Variants in FN3K observed in about 807,000 individuals in gnomAD.
FN3K encodes the protein fructosamine 3 kinase, also known as fructosamine-3-kinase.
FN3K carries 24 observed loss-of-function variants against 24.8 expected under a neutral mutation model. The ratio of observed to expected loss-of-function variants is 0.97; its 90% CI spans 0.70 to 1.36. FN3K has a LOEUF of 1.36. Among genes scored for constraint, FN3K ranks in the 40% most tolerant of loss-of-function variants. The pLI is 0.00. For synonymous variants in FN3K, 192 were observed against 175.2 expected (o/e 1.10, Z -0.76); for missense variants, 449 against 416.7 (o/e 1.08, Z -0.67).
At position 82,735,660 on chromosome 17, in the gene FN3K, G is replaced by A; in HGVS notation, c.24G>A (p.Glu8=). MEQLLRA[E]LRTATLRAFG... is the part of the protein sequence containing the mutation. ...CCATGGAGCAGCTGCTGCGCGCCGA[G>A]CTGCGCACCGCGACCCTGCGGGCCT... The change falls in exon 1 of 6, where the codon GAG becomes GAA. Residue 8 remains glutamate, a synonymous_variant. Transcript: ENST00000300784. 6.5e-7 allele frequency: 1 copy of A among 1,538,082 alleles called. No individual in the cohort carries two copies. The highest frequency in any genetic ancestry group is 8.7e-7 in the Non-Finnish European group (1 of 1,147,986).
Position 82,750,403 on chromosome 17 carries a change from C to G in FN3K, c.592-14C>G. The G allele has an allele frequency of 6.2e-7, 1 of 1,611,654 alleles. No homozygotes were observed. The highest frequency in any genetic ancestry group is 8.5e-7 in the Non-Finnish European group (1 of 1,177,770). ...CCCAGAGGCCAGCGATAACTGCAGC[C>G]GTTGCTCTCGTAGGTGAAGATCCCG... On this transcript the variant is annotated splice_polypyrimidine_tract_variant and intron_variant, in intron 5 of 5. Transcript: ENST00000300784.
At position 82,750,507 on chromosome 17, in the gene FN3K, G is replaced by C; in HGVS notation, c.682G>C (p.Val228Leu). 1 of 1,614,142 alleles carries C rather than the reference G, an allele frequency of 6.2e-7. No individual in the cohort carries two copies. Among genetic ancestry groups the C allele is most frequent in the Middle Eastern group, 1.6e-4 (1 of 6,062 alleles). ...LWSGNVAEDD[V>L]GPIIYDPASF... The stretch of plus-strand genomic sequence containing the variant: ...GTCGGGAAACGTGGCTGAGGACGAC[G>C]TGGGGCCCATTATTTACGACCCGGC... The change falls in exon 6 of 6, where the codon GTG becomes CTG. Residue 228 changes from valine (V) to leucine (L), a missense_variant. Transcript: ENST00000300784.
chr17:82,738,335 C>T (rs896880834), intron 1 of FN3K, 154 bp from the exon 2 acceptor site: 2 of 1,004,730 alleles, frequency 2.0e-6, no homozygotes, highest in African/African-American at 3.2e-5. Context: ...CCTCTGCACC[C>T]TGCCCTCTGT....
chr17:82,738,902 T>G (rs1384808011), intron 2 of FN3K, among the ~76,000 whole-genome samples: 1 of 114,090 alleles, frequency 8.8e-6, no homozygotes, highest in Non-Finnish European at 1.8e-5. Flanking sequence ...GTAATGAGGC[T>G]GCATAAAATA....
intron 4 of FN3K, among the ~76,000 whole-genome samples, chr17:82,744,727 C>T (rs946127921): frequency 1.3e-5 from 2 of 152,108 alleles, no homozygotes; most frequent in Non-Finnish European, 2.9e-5. Context: ...GGTGTTTCTC[C>T]GAGAGGGGGA....
chr17:82,741,504 C>G, intron 4 of FN3K, 111 bp downstream of exon 4: 2 of 1,015,704 alleles, frequency 2.0e-6, no homozygotes, highest in East Asian at 5.3e-5. Context: ...TACTTGATTT[C>G]TGAAAGCAGA....
chr17:82,738,432 G>A, intron 1 of FN3K, 57 bp from the exon 2 acceptor site: 1 of 1,609,514 alleles, frequency 6.2e-7, no homozygotes, highest in Non-Finnish European at 8.5e-7. Context: ...CAAGGGCCCA[G>A]TGGGCAGAGG....
At chr17:82,749,119 G>A (rs974035267) in intron 5 of FN3K, 142 bp downstream of exon 5, 2 of 1,351,486 alleles carry the variant, frequency 1.5e-6, no homozygotes, top group African/African-American at 1.4e-5. Flanking sequence ...GGGGGCAGGG[G>A]CGGGGGTTCC....
intron 4 of FN3K, among the ~76,000 whole-genome samples, chr17:82,747,882 C>T (rs549154630): frequency 2.0e-5 from 3 of 152,310 alleles, no homozygotes; most frequent in East Asian, 1.9e-4. Context: ...TCCTAGAGGC[C>T]CTTCCTCCAA....
In FN3K at chr17:82,748,759, C is replaced by G. The variant is rs115919848; in HGVS notation, c.469-96C>G. ...CTGTCTTACCTCCTTTGTTGGCTTA[C>G]TAGGTATCTTTGCTGGGTTTTGAAT... On this transcript the variant is annotated intron_variant, in intron 4 of 5. Coordinates refer to ENST00000300784, the MANE Select transcript of FN3K (RefSeq NM_022158.4). 1.7e-3 allele frequency: 2,719 copies of G among 1,579,930 alleles called. 41 individuals carry two copies. In the African/African-American group the frequency reaches 0.033, roughly 19 times the overall value.
chr17:82,737,232 T>C (rs146469637), intron 1 of FN3K, among the ~76,000 whole-genome samples: 39 of 152,272 alleles, frequency 2.6e-4, no homozygotes, highest in African/African-American at 9.1e-4. Context: ...GTCTCATTCA[T>C]GAGGTTTGAT....
intron 4 of FN3K, among the ~76,000 whole-genome samples, chr17:82,747,013 T>G (rs1384086742): frequency 1.3e-5 from 2 of 151,872 alleles, no homozygotes; most frequent in South Asian, 4.2e-4. Context: ...TTAGTAGAGA[T>G]AGAGTTTCAC....
intron 4 of FN3K, chr17:82,745,248 ACT>A (rs1455447683): frequency 1.6e-5 from 3 of 189,802 alleles, no homozygotes; most frequent in Admixed American, 6.2e-5. Context: ...AGTGGTGATG[ACT>A]CTTAACGAGT....
rs566712045 is a variant in FN3K at position 82,750,096 on chromosome 17, A to G, written c.592-321A>G. 4.0e-5 allele frequency among the ~76,000 whole-genome samples: 6 copies of G among 149,818 alleles called. No individual in the cohort carries two copies. In the East Asian group the frequency reaches 1.2e-3, roughly 29 times the overall value. On this transcript the variant is annotated intron_variant, in intron 5 of 5. Coordinates refer to ENST00000300784, the MANE Select transcript of FN3K (RefSeq NM_022158.4). ...ACAAAACCAAACAAAACCTGCAGACATATATGTGTAGCGAAATAAAAGTGG... is the reference window on the plus strand; with the variant it reads ...ACAAAACCAAACAAAACCTGCAGACGTATATGTGTAGCGAAATAAAAGTGG...
rs757556499 is a variant in FN3K, at chr17:82,749,022, TG to T, written c.591+46del. On this transcript the variant is annotated intron_variant, in intron 5 of 5. Coordinates refer to ENST00000300784, the MANE Select transcript of FN3K (RefSeq NM_022158.4). Reference sequence around the variant, plus strand: ...CTCTGGGAAAGAGCTGGTCCTCTCATGATCCCGCCGCATTTGTGCGGGTTCA... The same window carrying T: ...CTCTGGGAAAGAGCTGGTCCTCTCATATCCCGCCGCATTTGTGCGGGTTCA... The T allele has an allele frequency of 3.7e-6, 6 of 1,613,308 alleles. No homozygotes were observed. The South Asian group carries it at 6.6e-5, about 18-fold the overall frequency.
At chr17:82,748,263 T>C (rs2046979905) in intron 4 of FN3K, among the ~76,000 whole-genome samples, 1 of 152,096 alleles carries the variant, frequency 6.6e-6, no homozygotes. Context: ...TTCTCCTACG[T>C]CAGCCTCCCA....
At position 82,739,693 on chromosome 17, in the gene FN3K, G is replaced by T. The variant is rs940554053; in HGVS notation, c.293+1053G>T. Among the ~76,000 whole-genome samples, 7 of 151,926 alleles carry T rather than the reference G, an allele frequency of 4.6e-5. No homozygotes were observed. In the South Asian group the frequency reaches 1.5e-3, roughly 32 times the overall value. ...AGGATGGTCTCGATCTGCTGACCTC[G>T]TGATCTACCCGCCTTGACCTCCCAA... On this transcript the variant is annotated intron_variant, in intron 2 of 5. Transcript: ENST00000300784.
intron 4 of FN3K, among the ~76,000 whole-genome samples, chr17:82,746,249 A>T (rs1034653052): frequency 6.6e-6 from 1 of 152,102 alleles, no homozygotes; most frequent in Non-Finnish European, 1.5e-5. Flanking sequence ...TGGGCGTGAA[A>T]TATTATCTCA....
intron 1 of FN3K, chr17:82,737,736 G>A (rs2046911328): frequency 6.6e-6 from 1 of 152,254 alleles, no homozygotes; most frequent in African/African-American, 2.4e-5. Context: ...AACCCAGGAG[G>A]CGGAGGCTGC....
Sources: allele counts gnomAD v4.1 joint callset (sites outside exome capture counted in the v4.1 genomes callset), GRCh38; gene constraint gnomAD v4.1.1; transcripts MANE v1.5; gene names NCBI Gene and HGNC (gene_info 2026-07-23, HGNC 2026-07-21).